BFSP2: variants seen among roughly 807,000 people sequenced by gnomAD.
BFSP2 encodes phakinin.
A neutral mutation model predicts 44.9 loss-of-function variants in BFSP2; 38 were observed. That is an observed-to-expected ratio of 0.85 (90% CI 0.65 to 1.11). The LOEUF is 1.11. BFSP2 is among the 50% of genes least tolerant of loss of function. The pLI, the probability that BFSP2 is intolerant of heterozygous loss-of-function variation, is 0.00. For missense variants in BFSP2, 525 were observed against 533.0 expected (o/e 0.99, Z 0.15); for synonymous variants, 197 against 209.9 (o/e 0.94, Z 0.53).
At chr3:133,423,534 G>C (rs1372139591) in intron 1 of BFSP2, among the ~76,000 whole-genome samples, 3 of 151,854 alleles carry the variant, frequency 2.0e-5, no homozygotes, top group Admixed American at 2.0e-4. Flanking sequence ...CCGTACTTTG[G>C]GGGCGGGCGG....
At chr3:133,449,697 GT>G (rs752003095) in intron 3 of BFSP2, among the ~76,000 whole-genome samples, 2 of 151,900 alleles carry the variant, frequency 1.3e-5, no homozygotes, top group Non-Finnish European at 2.9e-5. Context: ...GGGCAACATG[GT>G]GAAACCCTGT....
chr3:133,441,396 G>C (rs1325794624), intron 1 of BFSP2, among the ~76,000 whole-genome samples: 1 of 152,158 alleles, frequency 6.6e-6, no homozygotes, highest in African/African-American at 2.4e-5. Context: ...GGGCTTCTTA[G>C]TTTTTGTCCC....
chr3:133,454,956 C>G (rs1221968000), intron 4 of BFSP2, among the ~76,000 whole-genome samples: 1 of 152,150 alleles, frequency 6.6e-6, no homozygotes, highest in Non-Finnish European at 1.5e-5. Context: ...TAGGCCTACA[C>G]AGGGTCAGGA....
intron 1 of BFSP2, among the ~76,000 whole-genome samples, chr3:133,445,001 A>G (rs917260836): frequency 4.2e-4 from 64 of 152,212 alleles, no homozygotes; most frequent in African/African-American, 1.3e-3. Context: ...CCTTCCCTCT[A>G]TGGTCTGGTC....
chr3:133,457,578 A>G (rs1349187460), intron 4 of BFSP2, among the ~76,000 whole-genome samples: 2 of 152,172 alleles, frequency 1.3e-5, no homozygotes, highest in African/African-American at 4.8e-5. Context: ...GTCTTTTTAC[A>G]CAAGTAGTAT....
intron 6 of BFSP2, among the ~76,000 whole-genome samples, chr3:133,473,232 C>A (rs60773708): frequency 0.022 from 3,373 of 152,066 alleles, 114 homozygotes; most frequent in African/African-American, 0.076. Flanking sequence ...ATGTGTAAAT[C>A]ATTTATTTAA....
chr3:133,425,952 AG>A (rs1217376710), intron 1 of BFSP2, among the ~76,000 whole-genome samples: 1 of 776 alleles, frequency 1.3e-3, no homozygotes, highest in African/African-American at 5.1e-3. Flanking sequence ...AAGGGAGGGG[AG>A]GGGGAGGGGG....
intron 1 of BFSP2, among the ~76,000 whole-genome samples, chr3:133,445,070 C>T (rs1000843498): frequency 1.3e-5 from 2 of 152,216 alleles, no homozygotes; most frequent in Admixed American, 6.5e-5. Flanking sequence ...ACAAACAGGA[C>T]AGAGCCTGGC....
intron 1 of BFSP2, among the ~76,000 whole-genome samples, chr3:133,401,142 A>G (rs910214271): frequency 2.0e-5 from 3 of 152,252 alleles, no homozygotes; most frequent in African/African-American, 7.2e-5. Context: ...TCTATTACCC[A>G]CAGTAAAACA....
At chr3:133,421,901 G>T (rs1326414316) in intron 1 of BFSP2, among the ~76,000 whole-genome samples, 3 of 152,076 alleles carry the variant, frequency 2.0e-5, no homozygotes, top group Admixed American at 1.3e-4. Flanking sequence ...AAGGTCAAGA[G>T]ATCAAGACCA....
chr3:133,473,663 A>T (rs1348673463), intron 6 of BFSP2, among the ~76,000 whole-genome samples: 1 of 151,064 alleles, frequency 6.6e-6, no homozygotes, highest in Non-Finnish European at 1.5e-5. Context: ...GATGACTCTT[A>T]ACGAGCATGC....
chr3:133,403,303 C>T (rs1034724377), intron 1 of BFSP2, among the ~76,000 whole-genome samples: 3 of 152,150 alleles, frequency 2.0e-5, no homozygotes, highest in South Asian at 4.1e-4. Context: ...TCTGGTGTTC[C>T]GTGCTCCTCA....
At chr3:133,401,457 G>A (rs78871683) in intron 1 of BFSP2, among the ~76,000 whole-genome samples, 303 of 152,228 alleles carry the variant, frequency 2.0e-3, no homozygotes, top group Admixed American at 3.9e-3. Context: ...CTATCTTATT[G>A]GACAGGGAAG....
intron 3 of BFSP2, among the ~76,000 whole-genome samples, chr3:133,449,655 A>G (rs1252179666): frequency 6.6e-6 from 1 of 151,884 alleles, no homozygotes; most frequent in Non-Finnish European, 1.5e-5. Context: ...AAGGCAGGGG[A>G]TCACTTGAGC....
In BFSP2 at chr3:133,467,760, C is replaced by T. The variant is rs567558432; in HGVS notation, c.1023+801C>T. Among the ~76,000 whole-genome samples the T allele has an allele frequency of 3.1e-3, 474 of 152,274 alleles. 1 individual carries two copies. Among genetic ancestry groups the T allele is most frequent in the Admixed American group, 5.6e-3 (85 of 15,294 alleles). ...CCTCCAGGAGGTCATTTGCATTGTT[C>T]TAACTACAGCTTCGTTGGTGCAAAT... On this transcript the variant is annotated intron_variant, in intron 5 of 6. Transcript: ENST00000302334.
In BFSP2 at chr3:133,413,030, G is replaced by A. The variant is rs562096930; in HGVS notation, c.489+12458G>A. The stretch of plus-strand genomic sequence containing the variant: ...TATTTCTGTTTCTTAGAAAGTGGAG[G>A]GCAGACCCTCTCTGGAAGCACACAT... On this transcript the variant is annotated intron_variant, in intron 1 of 6. Transcript: ENST00000302334. Among the ~76,000 whole-genome samples the A allele has an allele frequency of 2.0e-5, 3 of 152,280 alleles. No homozygotes were observed. In the South Asian group the frequency reaches 6.2e-4, roughly 32 times the overall value.
intron 4 of BFSP2, among the ~76,000 whole-genome samples, chr3:133,457,634 G>T (rs1171518819): frequency 1.3e-5 from 2 of 152,154 alleles, no homozygotes; most frequent in Non-Finnish European, 2.9e-5. Context: ...ACCACAGGGG[G>T]CAGCAAACTC....
intron 1 of BFSP2, among the ~76,000 whole-genome samples, chr3:133,428,508 G>A (rs2073675816): frequency 6.6e-6 from 1 of 151,506 alleles, no homozygotes; most frequent in African/African-American, 2.4e-5. Context: ...ATGGGTCAGA[G>A]CAGTGACAGT....
At chr3:133,437,579 AAAG>A (rs1318136971) in intron 1 of BFSP2, among the ~76,000 whole-genome samples, 1 of 151,878 alleles carries the variant, frequency 6.6e-6, no homozygotes, top group Non-Finnish European at 1.5e-5. Context: ...GAAAGGAAGG[AAAG>A]AAGGAAGGAA....
Sources: allele counts gnomAD v4.1 joint callset (sites outside exome capture counted in the v4.1 genomes callset), GRCh38; gene constraint gnomAD v4.1.1; transcripts MANE v1.5; gene names NCBI Gene and HGNC (gene_info 2026-07-23, HGNC 2026-07-21).